The following IL3RA variants were observed in gnomAD, a reference collection of about 807,000 sequenced individuals.
IL3RA encodes the protein interleukin 3 receptor subunit alpha.
A neutral mutation model predicts 52.3 loss-of-function variants in IL3RA; 73 were observed. The ratio of observed to expected loss-of-function variants is 1.40; its 90% CI spans 1.16 to 1.70. The LOEUF is 1.70. Ranked by LOEUF, IL3RA falls within the 40% of genes most tolerant of loss-of-function variation. The pLI is 0.00. For missense variants in IL3RA, 664 were observed against 504.4 expected, an observed-to-expected ratio of 1.32 and a Z score of -3.03; for synonymous variants, 260 against 194.0, an observed-to-expected ratio of 1.34 and a Z score of -2.83.
chrX:1,376,707 G>C (rs2088765509), intron 9 of IL3RA, among the ~76,000 whole-genome samples: 2 of 121,438 alleles, frequency 1.6e-5, no homozygotes, highest in African/African-American at 6.8e-5. Flanking sequence ...CCCACACCTG[G>C]ATCTCAGACC....
chrX:1,377,851 C>T (rs1269647106), intron 9 of IL3RA, among the ~76,000 whole-genome samples: 3 of 143,698 alleles, frequency 2.1e-5, no homozygotes, highest in African/African-American at 7.8e-5. Context: ...CACCACAGCA[C>T]TGCAGAGCGA....
chrX:1,377,650 T>C (rs1249172951), intron 9 of IL3RA, among the ~76,000 whole-genome samples: 2 of 149,296 alleles, frequency 1.3e-5, no homozygotes, highest in East Asian at 3.9e-4. Flanking sequence ...GTTCTGGGGG[T>C]GAGGTCATAG....
At chrX:1,368,136 G>A (rs2088312020) in intron 9 of IL3RA, among the ~76,000 whole-genome samples, 1 of 152,176 alleles carries the variant, frequency 6.6e-6, no homozygotes, top group Non-Finnish European at 1.5e-5. Flanking sequence ...ATGGGCGCCT[G>A]TAGTCCCAGC....
intron 9 of IL3RA, among the ~76,000 whole-genome samples, 162 bp downstream of exon 9, chrX:1,365,414 G>A (rs1223855544): frequency 2.3e-4 from 17 of 72,888 alleles, no homozygotes; most frequent in Non-Finnish European, 4.0e-4. Flanking sequence ...GGGTGAGCGG[G>A]GTGAGCGGGG....
intron 8 of IL3RA, among the ~76,000 whole-genome samples, chrX:1,359,778 C>T (rs1233632664): frequency 3.4e-5 from 5 of 148,224 alleles, no homozygotes; most frequent in Non-Finnish European, 7.5e-5. Context: ...CTCTCATTCT[C>T]CCTCCCTCTT....
Position 1,345,368 on chromosome X carries a change from G to C in IL3RA, c.117G>C (p.Leu39Phe). Residue 39 changes from leucine to phenylalanine, a missense_variant, in exon 3 of 12, where the codon TTG becomes TTC. Physicochemically the swap from Leu to Phe is conservative, Grantham distance 22. Coordinates refer to ENST00000331035, the MANE Select transcript of IL3RA (RefSeq NM_002183.4). ...NLRMKAKAQQ[L>F]TWDLNRNVTD... ...GGATGAAAGCAAAGGCTCAGCAGTT[G>C]ACCTGGGACCTTAACAGAAATGTGA... 9 of 1,611,260 alleles carry C rather than the reference G, an allele frequency of 5.6e-6. No individual in the cohort carries two copies. Among genetic ancestry groups the C allele is most frequent in the Non-Finnish European group, 5.9e-6 (7 of 1,178,304 alleles).
At position 1,348,647 on chromosome X, in the gene IL3RA, TTTCTTTC is replaced by T. The variant is rs2085897214; in HGVS notation, c.298+105_298+111del. ...GTGTCTTTTTTCTTTTCTTTTTCTC[TTTCTTTC>T]TTTCTTTCTTTCTTTCTTTCTTTCT... On this transcript the variant is annotated intron_variant, in intron 4 of 11. Transcript: ENST00000331035. 33 of 308,022 alleles carry T rather than the reference TTTCTTTC, an allele frequency of 1.1e-4. 1 individual carries two copies. The highest frequency in any genetic ancestry group is 9.7e-4 in the African/African-American group (13 of 13,450). The allele number at this position is 308,022 out of a possible 1,614,324, so 19.1% of individuals were successfully genotyped here. A position where few individuals can be genotyped will look rare whatever the true frequency, so the allele number is the denominator to read the frequency against.
intron 3 of IL3RA, among the ~76,000 whole-genome samples, chrX:1,348,003 C>G (rs1381608089): frequency 1.4e-5 from 2 of 141,240 alleles, no homozygotes; most frequent in Admixed American, 7.4e-5. Flanking sequence ...CGCCCCTGCA[C>G]TCCAGCCTGG....
chrX:1,382,364 T>G (rs764674895), intron 11 of IL3RA, 27 bp from the exon 12 acceptor site: 2 of 1,602,218 alleles, frequency 1.2e-6, no homozygotes, highest in East Asian at 2.2e-5. Context: ...GGTGGCCGAC[T>G]CACCCTGCCT....
At position 1,352,502 on chromosome X, in the gene IL3RA, G is replaced by C; in HGVS notation, c.612G>C (p.Gln204His). Residue 204 changes from glutamine to histidine, a missense_variant, in exon 6 of 12, where the codon CAG becomes CAC. Physicochemically the swap from Gln to His is conservative, Grantham distance 24 (BLOSUM62 0). Transcript: ENST00000331035. ...CAGATAAGTTTGTCGTCTTTTCACA[G>C]ATTGGTGAGTAGCCCGGGACACTCC... ...PCTDKFVVFS[Q>H]IEILTPPNMT... 1 of 1,613,162 alleles carries C rather than the reference G, an allele frequency of 6.2e-7. No homozygotes were observed. The highest frequency in any genetic ancestry group is 8.5e-7 in the Non-Finnish European group (1 of 1,179,738).
At chrX:1,351,850 G>A (rs753074256) in intron 4 of IL3RA, among the ~76,000 whole-genome samples, 8 of 151,702 alleles carry the variant, frequency 5.3e-5, no homozygotes, top group South Asian at 4.2e-4. Context: ...GGCTGGTCTC[G>A]AACTCCGGAC....
intron 8 of IL3RA, among the ~76,000 whole-genome samples, chrX:1,359,808 TTCTCTCTCTC>T (rs373695054): frequency 7.7e-6 from 1 of 130,502 alleles, no homozygotes; most frequent in Non-Finnish European, 1.6e-5. Flanking sequence ...CTCCCTCTCT[TTCTCTCTCTC>T]TCTCTCTCTC....
chrX:1,354,819 G>A (rs1236129854), intron 6 of IL3RA, among the ~76,000 whole-genome samples: 1 of 77,676 alleles, frequency 1.3e-5, no homozygotes, highest in Non-Finnish European at 2.6e-5. Flanking sequence ...GGAAGAGGGT[G>A]AAGGAGAGAG....
intron 6 of IL3RA, 23 bp from the exon 7 acceptor site, chrX:1,356,198 A>C (rs1317136125): frequency 7.2e-7 from 1 of 1,384,524 alleles, no homozygotes; most frequent in Non-Finnish European, 1.0e-6. Flanking sequence ...CCTAAATCCT[A>C]AAAGTGTTTT....
At chrX:1,359,139 T>C (rs2086968989) in intron 8 of IL3RA, among the ~76,000 whole-genome samples, 1 of 151,360 alleles carries the variant, frequency 6.6e-6, no homozygotes, top group Non-Finnish European at 1.5e-5. Flanking sequence ...AAAGGAAGAG[T>C]CAGGGATGAC....
intron 9 of IL3RA, among the ~76,000 whole-genome samples, chrX:1,368,025 C>T (rs1480112986): frequency 2.0e-5 from 3 of 152,024 alleles, no homozygotes; most frequent in Non-Finnish European, 4.4e-5. Flanking sequence ...TAATAAAGAC[C>T]GAGGCGGGCG....
intron 7 of IL3RA, among the ~76,000 whole-genome samples, chrX:1,358,416 T>C (rs1172134057): frequency 2.0e-5 from 3 of 152,048 alleles, no homozygotes; most frequent in Non-Finnish European, 4.4e-5. Flanking sequence ...TCCCAGCACT[T>C]TGGGAGGCCG....
At chrX:1,353,397 C>A (rs756308863) in intron 6 of IL3RA, among the ~76,000 whole-genome samples, 2 of 149,174 alleles carry the variant, frequency 1.3e-5, no homozygotes, top group Admixed American at 1.3e-4. Context: ...GTCATAGGAC[C>A]CCCATCATGG....
rs778472223 is a variant in IL3RA, at chrX:1,361,202, CCT to C, written c.759+2316_759+2317del. Among the ~76,000 whole-genome samples, 832 of 103,110 alleles carry C rather than the reference CCT, an allele frequency of 8.1e-3. 163 individuals are homozygous for C. The highest frequency in any genetic ancestry group is 0.026 in the African/African-American group (724 of 27,784). 67.6% of individuals were successfully genotyped at this position (103,110 alleles called of 152,430 possible). The stretch of plus-strand genomic sequence containing the variant: ...CTTCCCCTCTCTCTCTCTCCATTCC[CCT>C]GTCTCTATGTCTCTCCCTTTCTCTC... On this transcript the variant is annotated intron_variant, in intron 8 of 11. Transcript: ENST00000331035.
Sources: gnomAD v4.1 joint callset for allele counts (sites outside exome capture counted in the v4.1 genomes callset) on GRCh38, gnomAD v4.1.1 for gene constraint, MANE v1.5 for transcripts, NCBI Gene and HGNC (gene_info 2026-07-23, HGNC 2026-07-21) for gene names.